The following PTPRD variants were observed in gnomAD, a reference collection of about 807,000 sequenced individuals.
The protein encoded by PTPRD is receptor-type tyrosine-protein phosphatase delta.
Under a neutral mutation model 214.5 loss-of-function variants are expected in PTPRD, and 34 were observed. That is an observed-to-expected ratio of 0.16 (90% CI 0.12 to 0.21). The LOEUF (loss-of-function observed/expected upper bound fraction) is 0.21. Among genes scored for constraint, PTPRD ranks in the 10% least tolerant of loss-of-function variants. PTPRD has a pLI of 1.00. For missense variants in PTPRD, 2,545 were observed against 2,398.7 expected, an observed-to-expected ratio of 1.06 and a Z score of -1.27; for synonymous variants, 1,128 against 845.7, an observed-to-expected ratio of 1.33 and a Z score of -5.79.
At chr9:8,796,190 G>A (rs1466790335) in intron 11 of PTPRD, among the ~76,000 whole-genome samples, 2 of 152,162 alleles carry the variant, frequency 1.3e-5, no homozygotes, top group Non-Finnish European at 2.9e-5. Flanking sequence ...AAAACATATA[G>A]ATGAAGGGAT....
chr9:9,399,774 C>T (rs1433165127), intron 8 of PTPRD, among the ~76,000 whole-genome samples: 1 of 152,012 alleles, frequency 6.6e-6, no homozygotes, highest in Non-Finnish European at 1.5e-5. Context: ...CTTTGCTCCT[C>T]ATTCACCTTC....
chr9:9,562,758 A>G (rs538007836), intron 8 of PTPRD, among the ~76,000 whole-genome samples: 2 of 152,154 alleles, frequency 1.3e-5, no homozygotes, highest in East Asian at 3.9e-4. Context: ...TTACAATTAT[A>G]TTTCTACCCA....
At chr9:9,732,580 T>C (rs527248443) in intron 7 of PTPRD, among the ~76,000 whole-genome samples, 15 of 152,180 alleles carry the variant, frequency 9.9e-5, no homozygotes, top group African/African-American at 3.6e-4. Context: ...TAAGGACAGC[T>C]TTAGGATGGA....
intron 12 of PTPRD, 36 bp downstream of exon 12, chr9:8,733,744 G>C: frequency 1.3e-6 from 2 of 1,548,942 alleles, no homozygotes; most frequent in East Asian, 2.4e-5. Context: ...CACTCATTAT[G>C]GTCACAGCCC....
At chr9:9,766,345 G>A (rs945316007) in intron 6 of PTPRD, among the ~76,000 whole-genome samples, 2 of 152,004 alleles carry the variant, frequency 1.3e-5, no homozygotes, top group African/African-American at 2.4e-5. Context: ...CTGTTAATGT[G>A]TTTATTTTCC....
intron 3 of PTPRD, among the ~76,000 whole-genome samples, chr9:10,221,111 T>G (rs1450420820): frequency 1.3e-5 from 2 of 152,010 alleles, no homozygotes. Context: ...CCATGCTCAC[T>G]GGGAAAAGAA....
chr9:10,301,077 G>T (rs1434936317), intron 3 of PTPRD, among the ~76,000 whole-genome samples: 1 of 152,148 alleles, frequency 6.6e-6, no homozygotes, highest in Non-Finnish European at 1.5e-5. Flanking sequence ...GGAACAGGAA[G>T]CAATCTTTGC....
rs1484137824 is a variant in PTPRD, at chr9:10,276,347, C to A, written c.-545+64616G>T. 2.0e-5 allele frequency among the ~76,000 whole-genome samples: 3 copies of A among 152,220 alleles called. No homozygotes were observed. In the South Asian group the frequency reaches 6.2e-4, roughly 32 times the overall value. On this transcript the variant is annotated intron_variant, in intron 3 of 45. Coordinates refer to ENST00000381196, the MANE Select transcript of PTPRD (RefSeq NM_002839.4). ...TTTCTTTGATGCCCCTATTATTTGCCCCCAAGGACAATGCAAGAGAAAAGT... is the reference window on the plus strand; with the variant it reads ...TTTCTTTGATGCCCCTATTATTTGCACCCAAGGACAATGCAAGAGAAAAGT...
chr9:9,484,715 A>T (rs976507003), intron 8 of PTPRD, among the ~76,000 whole-genome samples: 1 of 152,226 alleles, frequency 6.6e-6, no homozygotes, highest in East Asian at 1.9e-4. Flanking sequence ...GAAGAAACAA[A>T]ATTTTACGAG....
chr9:8,940,156 G>A (rs556686344), intron 11 of PTPRD, among the ~76,000 whole-genome samples: 7 of 151,770 alleles, frequency 4.6e-5, no homozygotes, highest in Admixed American at 2.0e-4. Flanking sequence ...AGACCTGAGA[G>A]GCTCTGAACT....
At chr9:8,978,792 G>A (rs968495894) in intron 11 of PTPRD, among the ~76,000 whole-genome samples, 2 of 152,142 alleles carry the variant, frequency 1.3e-5, no homozygotes, top group Non-Finnish European at 2.9e-5. Flanking sequence ...GCTGCTAAGT[G>A]AGGCTCAGAA....
At position 8,353,275 on chromosome 9, in the gene PTPRD, T is replaced by C. The variant is rs566536417; in HGVS notation, c.4662-11297A>G. Among the ~76,000 whole-genome samples, 6 of 152,278 alleles carry C rather than the reference T, an allele frequency of 3.9e-5. No homozygotes were observed. In the South Asian group the frequency reaches 1.2e-3, roughly 32 times the overall value. On this transcript the variant is annotated intron_variant, in intron 39 of 45. Transcript: ENST00000381196. ...AGAATCTCACTCTCAATACAATCAG[T>C]TTATGATTGTTTGCAACACCCTAGC...
chr9:10,526,957 C>T (rs189824955), intron 2 of PTPRD, among the ~76,000 whole-genome samples: 107 of 152,214 alleles, frequency 7.0e-4, no homozygotes, highest in African/African-American at 2.4e-3. Context: ...TCCAGAAATC[C>T]AGTTTCTCCT....
chr9:8,342,203 T>C (rs1457342233), intron 39 of PTPRD, among the ~76,000 whole-genome samples: 1 of 152,052 alleles, frequency 6.6e-6, no homozygotes, highest in Non-Finnish European at 1.5e-5. Context: ...AGTTTTAAAA[T>C]GTAAAAAATA....
intron 2 of PTPRD, among the ~76,000 whole-genome samples, chr9:10,500,595 T>A (rs2043363157): frequency 6.6e-6 from 1 of 151,930 alleles, no homozygotes; most frequent in Non-Finnish European, 1.5e-5. Flanking sequence ...ACGATTAAAT[T>A]ATTATTTACT....
At chr9:9,316,455 T>C (rs1963174834) in intron 9 of PTPRD, among the ~76,000 whole-genome samples, 1 of 152,144 alleles carries the variant, frequency 6.6e-6, no homozygotes, top group Non-Finnish European at 1.5e-5. Flanking sequence ...AGACTTTTAT[T>C]AGGGTAATCT....
At chr9:9,008,887 T>A (rs1023578567) in intron 11 of PTPRD, among the ~76,000 whole-genome samples, 1 of 152,124 alleles carries the variant, frequency 6.6e-6, no homozygotes, top group Non-Finnish European at 1.5e-5. Flanking sequence ...AGGTAAAGCA[T>A]AAGGACAATT....
At chr9:8,471,484 G>T (rs2296098) in intron 30 of PTPRD, among the ~76,000 whole-genome samples, 12,873 of 152,132 alleles carry the variant, frequency 0.085, 1,621 homozygotes, top group African/African-American at 0.28. Flanking sequence ...GGAGGATATA[G>T]ATGAAAAATT....
intron 2 of PTPRD, among the ~76,000 whole-genome samples, chr9:10,364,419 A>G (rs1279441007): frequency 6.6e-6 from 1 of 152,242 alleles, no homozygotes; most frequent in African/African-American, 2.4e-5. Context: ...TCTGTACTCT[A>G]ACAGCCCTGA....
Sources: allele counts gnomAD v4.1 joint callset (sites outside exome capture counted in the v4.1 genomes callset), GRCh38; gene constraint gnomAD v4.1.1; transcripts MANE v1.5; gene names NCBI Gene and HGNC (gene_info 2026-07-23, HGNC 2026-07-21).